Variants in DDX42 observed in about 807,000 individuals in gnomAD.
DDX42 encodes ATP-dependent RNA helicase DDX42.
Under a neutral mutation model 101.5 loss-of-function variants are expected in DDX42, and 22 were observed. The ratio of observed to expected loss-of-function variants is 0.22; its 90% CI spans 0.15 to 0.31. DDX42 has a LOEUF of 0.31. DDX42 is among the 10% of genes least tolerant of loss of function. The pLI is 1.00. For synonymous variants in DDX42, 402 were observed against 401.2 expected (o/e 1.00, Z -0.02); for missense variants, 849 against 1,199.9 (o/e 0.71, Z 4.32).
chr17:63,810,886 T>A (rs1272704298), intron 12 of DDX42, among the ~76,000 whole-genome samples, 190 bp from the exon 13 acceptor site: 2 of 152,232 alleles, frequency 1.3e-5, no homozygotes, highest in African/African-American at 4.8e-5. Context: ...TGACAACTTG[T>A]CTTAACTAAA....
chr17:63,816,580 T>C, intron 16 of DDX42: 1 of 237,076 alleles, frequency 4.2e-6, no homozygotes, highest in Non-Finnish European at 8.1e-6. Context: ...TAATTTTTAC[T>C]TAATTAATTG....
intron 1 of DDX42, among the ~76,000 whole-genome samples, chr17:63,784,713 G>T (rs867532874): frequency 6.6e-5 from 10 of 152,050 alleles, no homozygotes; most frequent in African/African-American, 2.4e-4. Context: ...GTTCATGGCT[G>T]CAGTGAGCTG....
At chr17:63,811,560 T>C in intron 13 of DDX42, 1 of 375,810 alleles carries the variant, frequency 2.7e-6, no homozygotes, top group Admixed American at 4.2e-5. Flanking sequence ...AAGGGTGACC[T>C]GGAAGGCCTG....
intron 2 of DDX42, among the ~76,000 whole-genome samples, chr17:63,787,875 A>G (rs536287887): frequency 6.7e-6 from 1 of 149,754 alleles, no homozygotes; most frequent in East Asian, 2.0e-4. Context: ...AAACATAAAT[A>G]TGGCTGAAGA....
rs2039682098 is a variant in DDX42 at position 63,795,497 on chromosome 17, C to CA, written c.373-2541_373-2540insA. Among the ~76,000 whole-genome samples, 4 of 147,350 alleles carry CA rather than the reference C, an allele frequency of 2.7e-5. No homozygotes were observed. In the Admixed American group the frequency reaches 2.7e-4, roughly 10 times the overall value. On this transcript the variant is annotated intron_variant, in intron 3 of 17. Transcript: ENST00000389924. Reference sequence around the variant, plus strand: ...TAGCTGGAACTACAGGTGCACGGCACCACACCACCACACTTGGCTAATTTT... The same window carrying CA: ...TAGCTGGAACTACAGGTGCACGGCACACACACCACCACACTTGGCTAATTTT...
At chr17:63,782,171 G>A (rs1490815097) in intron 1 of DDX42, among the ~76,000 whole-genome samples, 1 of 152,014 alleles carries the variant, frequency 6.6e-6, no homozygotes, top group Non-Finnish European at 1.5e-5. Context: ...CCAGCTACTC[G>A]GGAGGCTGAG....
intron 1 of DDX42, among the ~76,000 whole-genome samples, chr17:63,777,684 G>A (rs1283836605): frequency 2.0e-5 from 3 of 151,836 alleles, no homozygotes; most frequent in Admixed American, 6.6e-5. Flanking sequence ...TCCTGACTTC[G>A]TGATCCACCC....
chr17:63,809,184 T>C (rs928663233), intron 10 of DDX42, among the ~76,000 whole-genome samples: 4 of 152,334 alleles, frequency 2.6e-5, no homozygotes, highest in African/African-American at 9.6e-5. Flanking sequence ...GTTTTTCTTA[T>C]ACTCTCCCAC....
At chr17:63,812,428 A>G (rs1458815380) in intron 14 of DDX42, among the ~76,000 whole-genome samples, 1 of 152,196 alleles carries the variant, frequency 6.6e-6, no homozygotes, top group Admixed American at 6.5e-5. Context: ...TAATCAAAGA[A>G]TCCCTGCAGC....
In DDX42 at chr17:63,817,928, G is replaced by A. The variant is rs373400646; in HGVS notation, c.2347G>A (p.Gly783Arg). ...SGAPVTYPSA[G>R]AQGVNNTASG... is the part of the protein sequence containing the mutation. The stretch of plus-strand genomic sequence containing the variant: ...TGCCCCTGTGACCTACCCGTCTGCC[G>A]GAGCCCAAGGAGTCAACAACACAGC... Residue 783 changes from glycine to arginine, a missense_variant, in exon 18 of 18, where the codon GGA (glycine) becomes AGA (arginine). Around this residue, in one of 5 missense-constraint regions of DDX42, gnomAD observed 300 missense variants for 304.9 expected, o/e 0.98. Coordinates refer to ENST00000389924, the MANE Select transcript of DDX42 (RefSeq NM_203499.3). The A allele has an allele frequency of 1.3e-5, 21 of 1,614,062 alleles. No individual in the cohort carries two copies. Among genetic ancestry groups the A allele is most frequent in the African/African-American group, 5.3e-5 (4 of 74,914 alleles).
Position 63,818,139 on chromosome 17 carries a change from A to G in DDX42, c.2558A>G (p.His853Arg), listed in dbSNP as rs1267798937. The change falls in exon 18 of 18, where the codon CAT becomes CGT. Residue 853 changes from histidine (H) to arginine (R), a missense_variant. This residue lies in a region of DDX42 where 300 missense variants were observed against 304.9 expected (regional missense o/e 0.98). Transcript: ENST00000389924. ...CGCCATCCAGAAAGCAGCAGCCGTC[A>G]TACTGATGGCCATCGGCACGGGGAG... The part of the protein sequence containing the change: ...GYRHPESSSR[H>R]TDGHRHGENR... The G allele has an allele frequency of 6.2e-7, 1 of 1,614,056 alleles. No homozygotes were observed. The highest frequency in any genetic ancestry group is 8.5e-7 in the Non-Finnish European group (1 of 1,180,032).
In DDX42 at chr17:63,792,581, C is replaced by A; in HGVS notation, c.372+19C>A. The A allele has an allele frequency of 6.3e-7, 1 of 1,596,400 alleles. No individual in the cohort carries two copies. The highest frequency in any genetic ancestry group is 8.5e-7 in the Non-Finnish European group (1 of 1,171,238). ...AGTGGAGGCAAGTATCAACATGTTT[C>A]ATTAAAATATTTAGCAGTTAGAAAT... On this transcript the variant is annotated intron_variant, in intron 3 of 17. Coordinates refer to ENST00000389924, the MANE Select transcript of DDX42 (RefSeq NM_203499.3).
Position 63,809,048 on chromosome 17 carries a change from G to C in DDX42, c.1152+100G>C, listed in dbSNP as rs1057341872. ...TTCCCCTAAAGTGTGGTAAAAGCAG[G>C]GTTGAAAATATACTGATGAACGGCA... is the stretch of plus-strand genomic sequence containing the variant. On this transcript the variant is annotated intron_variant, in intron 10 of 17. Transcript: ENST00000389924. 5.3e-6 allele frequency: 8 copies of C among 1,506,116 alleles called. No individual in the cohort carries two copies. The African/African-American group carries it at 7.0e-5, about 13-fold the overall frequency. 93.3% of individuals were successfully genotyped at this position (1,506,116 alleles called of 1,614,324 possible).
intron 3 of DDX42, among the ~76,000 whole-genome samples, chr17:63,796,448 C>G (rs1460331035): frequency 6.6e-6 from 1 of 152,298 alleles, no homozygotes; most frequent in East Asian, 1.9e-4. Context: ...TCCCGAGTAG[C>G]TGAGATTACA....
intron 3 of DDX42, among the ~76,000 whole-genome samples, chr17:63,793,090 GT>G (rs1421877135): frequency 6.6e-6 from 1 of 151,114 alleles, no homozygotes; most frequent in Admixed American, 6.6e-5. Flanking sequence ...GTTTGTTTTT[GT>G]TTTCTTGCTA....
intron 3 of DDX42, among the ~76,000 whole-genome samples, chr17:63,797,404 A>G (rs939215363): frequency 3.3e-5 from 5 of 151,920 alleles, no homozygotes; most frequent in Non-Finnish European, 7.4e-5. Context: ...AACTACACAC[A>G]TTTAACTCAC....
chr17:63,803,289 TAAAAA>T (rs1567739992), intron 6 of DDX42, among the ~76,000 whole-genome samples: 1 of 152,014 alleles, frequency 6.6e-6, no homozygotes, highest in African/African-American at 2.4e-5. Context: ...TAGTGTAAAA[TAAAAA>T]GTATCTGAAA....
At chr17:63,780,979 CTTTAGCATATAAACA>C (rs953525231) in intron 1 of DDX42, among the ~76,000 whole-genome samples, 11 of 152,104 alleles carry the variant, frequency 7.2e-5, no homozygotes, top group Non-Finnish European at 1.3e-4. Context: ...GGTTTTTCCC[CTTTAGCATATAAACA>C]TGCCTATGTT....
At chr17:63,779,695 A>G (rs2039462908) in intron 1 of DDX42, among the ~76,000 whole-genome samples, 1 of 149,838 alleles carries the variant, frequency 6.7e-6, no homozygotes, top group South Asian at 2.1e-4. Context: ...CCTGGCAACC[A>G]CTCTTCTACT....
Sources: allele counts gnomAD v4.1 joint callset (sites outside exome capture counted in the v4.1 genomes callset), GRCh38; gene constraint gnomAD v4.1.1; regional missense constraint gnomAD v4.1.1; transcripts MANE v1.5; gene names NCBI Gene and HGNC (gene_info 2026-07-23, HGNC 2026-07-21).